Variants in BRD3 observed in about 807,000 individuals in gnomAD.
BRD3 encodes the protein bromodomain containing 3.
In BRD3, 17 loss-of-function variants were observed where a neutral mutation model predicts 66.8. The ratio of observed to expected loss-of-function variants is 0.25; its 90% CI spans 0.17 to 0.38. The LOEUF (loss-of-function observed/expected upper bound fraction) is 0.38, where lower values mean the gene tolerates loss of function less well. Ranked by LOEUF, BRD3 falls within the 10% of genes least tolerant of loss-of-function variation. The pLI is 1.00. For missense variants in BRD3, 713 were observed against 956.1 expected (o/e 0.75, Z 3.35); for synonymous variants, 421 against 393.2 (o/e 1.07, Z -0.84).
At chr9:134,050,025 A>T (rs891824195) in intron 5 of BRD3, among the ~76,000 whole-genome samples, 3 of 151,982 alleles carry the variant, frequency 2.0e-5, no homozygotes, top group African/African-American at 7.3e-5. Context: ...AGCTGGCACC[A>T]CTCTCCTGAG....
chr9:134,058,957 G>T (rs1330932229), intron 1 of BRD3, among the ~76,000 whole-genome samples: 1 of 152,234 alleles, frequency 6.6e-6, no homozygotes, highest in Non-Finnish European at 1.5e-5. Flanking sequence ...GCTGTGCCTT[G>T]GGCCGGTGTG....
intron 6 of BRD3, among the ~76,000 whole-genome samples, chr9:134,047,113 C>T (rs1008082557): frequency 1.3e-5 from 2 of 152,260 alleles, no homozygotes; most frequent in South Asian, 4.1e-4. Context: ...CCTGACTGTG[C>T]ACCGGGCTCT....
At position 134,053,463 on chromosome 9, in the gene BRD3, C is replaced by T. The variant is rs745878119; in HGVS notation, c.15G>A (p.Thr5=). The change falls in exon 2 of 12, where the codon ACG becomes ACA. Residue 5 remains threonine (T), a synonymous_variant. Transcript: ENST00000303407. The stretch of plus-strand genomic sequence containing the variant: ...CCGGGATCCCCGCGGGGGCGACTGT[C>T]GTGGCGGTGGACATCCTCCGGCAGC... The part of the protein sequence containing the change: MSTA[T]TVAPAGIPAT... The T allele has an allele frequency of 3.7e-5, 59 of 1,601,196 alleles. 5 individuals are homozygous for T. In the South Asian group the frequency reaches 6.2e-4, roughly 17 times the overall value.
intron 1 of BRD3, among the ~76,000 whole-genome samples, chr9:134,059,260 C>T (rs1830489791): frequency 6.6e-6 from 1 of 152,196 alleles, no homozygotes. Flanking sequence ...TCTCCCCGGG[C>T]CCCCAGCACC....
chr9:134,036,380 G>A, intron 9 of BRD3, 56 bp from the exon 10 acceptor site: 2 of 1,568,242 alleles, frequency 1.3e-6, no homozygotes, highest in Non-Finnish European at 1.7e-6. Context: ...TGCCGTGGGA[G>A]CCCACTGCAC....
chr9:134,044,690 C>A (rs1447842482), intron 7 of BRD3, among the ~76,000 whole-genome samples: 1 of 152,142 alleles, frequency 6.6e-6, no homozygotes, highest in African/African-American at 2.4e-5. Context: ...GGCAGGAGCA[C>A]ACACACGCAC....
chr9:134,066,906 G>A (rs1174815721), intron 1 of BRD3, among the ~76,000 whole-genome samples: 2 of 152,200 alleles, frequency 1.3e-5, no homozygotes, highest in Admixed American at 6.5e-5. Flanking sequence ...TGGACGCCGG[G>A]TCCCTGCCCC....
chr9:134,051,861 G>T, intron 3 of BRD3, 152 bp from the exon 4 acceptor site: 1 of 588,206 alleles, frequency 1.7e-6, no homozygotes. Context: ...GTGTGTGTGT[G>T]TGTGTGTGTG....
chr9:134,049,705 G>A (rs1273542146), intron 5 of BRD3, among the ~76,000 whole-genome samples: 3 of 152,260 alleles, frequency 2.0e-5, no homozygotes, highest in South Asian at 2.1e-4. Context: ...CCCTCTGAGC[G>A]CCCGCTTCCT....
intron 1 of BRD3, among the ~76,000 whole-genome samples, chr9:134,065,425 AGAG>A (rs1401855317): frequency 1.2e-4 from 15 of 125,186 alleles, no homozygotes; most frequent in African/African-American, 4.0e-4. Context: ...CTCCATCTCA[AGAG>A]GAGAAGAGAA....
intron 1 of BRD3, 169 bp from the exon 2 acceptor site, chr9:134,053,759 C>T: frequency 1.8e-6 from 1 of 564,266 alleles, no homozygotes. Context: ...GGGAAAGCTG[C>T]TCAGGCGAAG....
At chr9:134,038,467 T>C (rs573813779) in intron 9 of BRD3, among the ~76,000 whole-genome samples, 2 of 152,284 alleles carry the variant, frequency 1.3e-5, no homozygotes, top group African/African-American at 4.8e-5. Flanking sequence ...ACACTTTTTT[T>C]TGTAAAGAGA....
rs200946674 is a variant in BRD3 at position 134,048,352 on chromosome 9, C to T, written c.817G>A (p.Ala273Thr). 286 of 1,599,290 alleles carry T rather than the reference C, an allele frequency of 1.8e-4. No individual in the cohort carries two copies. The highest frequency in any genetic ancestry group is 2.2e-4 in the Non-Finnish European group (264 of 1,179,856). ...CTCTCCCGCCGGGCCACCACTTTGG[C>T]CTGCTTGGGGTCTGACAACGGCGGG... ...SPPPLSDPKQAKVVARRESGG... is the reference protein window; with the variant it reads ...SPPPLSDPKQTKVVARRESGG... Residue 273 changes from alanine to threonine, a missense_variant, in exon 6 of 12, where the codon GCC (alanine) becomes ACC (threonine). Transcript: ENST00000303407.
At chr9:134,034,427 G>A (rs1843566051) in intron 11 of BRD3, 4 of 421,124 alleles carry the variant, frequency 9.5e-6, no homozygotes, top group South Asian at 3.1e-5. Flanking sequence ...CCCCACAAGA[G>A]CCCTCTCCTG....
chr9:134,034,586 G>A, intron 11 of BRD3, 115 bp downstream of exon 11: 3 of 1,399,214 alleles, frequency 2.1e-6, no homozygotes, highest in Non-Finnish European at 2.9e-6. Context: ...TAAGAACATG[G>A]AGCTCATCAG....
At chr9:134,051,243 G>A (rs1830287970) in intron 4 of BRD3, among the ~76,000 whole-genome samples, 1 of 152,224 alleles carries the variant, frequency 6.6e-6, no homozygotes, top group Non-Finnish European at 1.5e-5. Context: ...CGTGGAAGAA[G>A]TGACCTCAGG....
At chr9:134,062,115 TAGCCCTGGAGG>T in intron 1 of BRD3, among the ~76,000 whole-genome samples, 1 of 152,270 alleles carries the variant, frequency 6.6e-6, no homozygotes, top group East Asian at 1.9e-4. Flanking sequence ...GGGCCCCCTG[TAGCCCTGGAGG>T]AGCCCTGGGG....
At position 134,048,130 on chromosome 9, in the gene BRD3, C is replaced by T. The variant is rs745836710; in HGVS notation, c.1039G>A (p.Asp347Asn). 3.1e-6 allele frequency: 5 copies of T among 1,602,220 alleles called. No homozygotes were observed. The South Asian group carries it at 3.4e-5, about 11-fold the overall frequency. Residue 347 changes from aspartate (D) to asparagine (N), a missense_variant, in exon 6 of 12, where the codon GAC becomes AAC. By Grantham distance (23) the Asp-to-Asn change is conservative (BLOSUM62 1). This residue lies in a region of BRD3 where 418 missense variants were observed against 609.3 expected (regional missense o/e 0.69). Coordinates refer to ENST00000303407, the MANE Select transcript of BRD3 (RefSeq NM_007371.4). The stretch of plus-strand genomic sequence containing the variant: ...GGGTGCTTGATGATGTCGTGGTAGT[C>T]GTGCAGCTCCAGGGCCTCGGCATCC... ...PVDAEALELH[D>N]YHDIIKHPMD...
Position 134,066,547 on chromosome 9 carries a change from A to G in BRD3, c.-114+1398T>C, listed in dbSNP as rs1830658501. Among the ~76,000 whole-genome samples, 2 of 135,174 alleles carry G rather than the reference A, an allele frequency of 1.5e-5. 1 individual carries two copies. Among genetic ancestry groups the G allele is most frequent in the South Asian group, 5.0e-4 (2 of 3,982 alleles). The allele number at this position is 135,174 out of a possible 152,430, so 88.7% of individuals were successfully genotyped here. Reference sequence around the variant, plus strand: ...TAGATTCCAGGATCTCCCCAGGCATACTACATGGACCCAGGAAAAAAAAAA... The same window carrying G: ...TAGATTCCAGGATCTCCCCAGGCATGCTACATGGACCCAGGAAAAAAAAAA... On this transcript the variant is annotated intron_variant, in intron 1 of 11. Transcript: ENST00000303407.
Sources: gnomAD v4.1 joint callset for allele counts (sites outside exome capture counted in the v4.1 genomes callset) on GRCh38, gnomAD v4.1.1 for gene constraint, gnomAD v4.1.1 regional missense constraint, MANE v1.5 for transcripts, NCBI Gene and HGNC (gene_info 2026-07-23, HGNC 2026-07-21) for gene names.